Variants in VWA3B observed in about 807,000 individuals in gnomAD.
VWA3B encodes von Willebrand factor A domain containing 3B.
Under a neutral mutation model 158.3 loss-of-function variants are expected in VWA3B, and 138 were observed. The ratio of observed to expected loss-of-function variants is 0.87; its 90% CI spans 0.76 to 1.00. The LOEUF is 1.00. Ranked by LOEUF, VWA3B falls within the 50% of genes least tolerant of loss-of-function variation. The probability of loss-of-function intolerance (pLI) is 0.00; values close to 1 mark genes in which losing one functional copy is unlikely to be tolerated. For missense variants in VWA3B, 1,555 were observed against 1,565.1 expected (o/e 0.99, Z 0.11); for synonymous variants, 596 against 587.3 (o/e 1.01, Z -0.21).
chr2:98,108,994 C>CT (rs56760057), intron 2 of VWA3B, among the ~76,000 whole-genome samples: 32,271 of 132,468 alleles, frequency 0.24, 4,388 homozygotes, highest in African/African-American at 0.37. Flanking sequence ...CTTTTCTTTT[C>CT]TTTTTTTTTT....
At chr2:98,102,290 A>G (rs963940418) in intron 2 of VWA3B, among the ~76,000 whole-genome samples, 1 of 152,168 alleles carries the variant, frequency 6.6e-6, no homozygotes, top group African/African-American at 2.4e-5. Flanking sequence ...CAGACACAGT[A>G]ACAATCTGAT....
At chr2:98,176,477 C>A (rs1221621911) in intron 8 of VWA3B, among the ~76,000 whole-genome samples, 2 of 140,724 alleles carry the variant, frequency 1.4e-5, no homozygotes, top group Non-Finnish European at 3.1e-5. Context: ...TTCCTTCCTT[C>A]CCTTCTTCGG....
intron 23 of VWA3B, among the ~76,000 whole-genome samples, chr2:98,297,090 T>C (rs555888855): frequency 6.6e-6 from 1 of 151,996 alleles, no homozygotes; most frequent in East Asian, 1.9e-4. Flanking sequence ...TTTTCATTTT[T>C]TTTTTTTTGA....
intron 6 of VWA3B, among the ~76,000 whole-genome samples, chr2:98,130,431 G>T (rs1161358161): frequency 6.6e-6 from 1 of 152,118 alleles, no homozygotes; most frequent in Non-Finnish European, 1.5e-5. Context: ...GTGTTGGGCT[G>T]GGGGACAGTC....
chr2:98,203,745 G>A (rs566896782), intron 12 of VWA3B, among the ~76,000 whole-genome samples: 14 of 152,156 alleles, frequency 9.2e-5, no homozygotes, highest in Non-Finnish European at 1.8e-4. Context: ...GTGTAGAAAC[G>A]CAGTTGGTTT....
intron 2 of VWA3B, among the ~76,000 whole-genome samples, chr2:98,094,675 G>T (rs1682588612): frequency 1.3e-5 from 2 of 151,804 alleles, no homozygotes; most frequent in Non-Finnish European, 1.5e-5. Context: ...GTGCTTTTGA[G>T]GTCATATCCA....
chr2:98,174,988 CA>C (rs1474158144), intron 8 of VWA3B, among the ~76,000 whole-genome samples: 6 of 152,174 alleles, frequency 3.9e-5, no homozygotes. Flanking sequence ...GCAGATTTTA[CA>C]GAATTCAGGA....
At chr2:98,316,002 A>G (rs1291400987), downstream of VWA3B, among the ~76,000 whole-genome samples, 1 of 152,264 alleles carries the variant, frequency 6.6e-6, no homozygotes, top group Non-Finnish European at 1.5e-5. Context: ...CGTTCTATAC[A>G]GTGGCATCTA....
chr2:98,290,008 G>A (rs1173963409), intron 22 of VWA3B, among the ~76,000 whole-genome samples: 2 of 152,150 alleles, frequency 1.3e-5, no homozygotes, highest in African/African-American at 4.8e-5. Flanking sequence ...GGGATATTCT[G>A]TAATTCTTCT....
intron 21 of VWA3B, among the ~76,000 whole-genome samples, chr2:98,258,854 C>T (rs1687313018): frequency 6.6e-6 from 1 of 151,750 alleles, no homozygotes; most frequent in African/African-American, 2.4e-5. Context: ...CTAGCTAGTA[C>T]TTCCAGAACA....
chr2:98,196,666 G>T (rs1177672955), intron 12 of VWA3B, among the ~76,000 whole-genome samples: 2 of 152,054 alleles, frequency 1.3e-5, no homozygotes, highest in African/African-American at 4.8e-5. Flanking sequence ...TGTTTCCCCG[G>T]GCTCTCTCTG....
At chr2:98,093,342 T>C (rs1358364103) in intron 2 of VWA3B, 54 bp downstream of exon 2, 5 of 1,584,672 alleles carry the variant, frequency 3.2e-6, no homozygotes, top group Non-Finnish European at 4.3e-6. Context: ...GAGGTGGAGG[T>C]GGCTGCATCA....
At chr2:98,315,966 G>A (rs1381003683), downstream of VWA3B, among the ~76,000 whole-genome samples, 1 of 152,164 alleles carries the variant, frequency 6.6e-6, no homozygotes, top group African/African-American at 2.4e-5. Flanking sequence ...CTAAAATGCA[G>A]TTGATTCTCA....
chr2:98,289,573 C>T (rs1484060279), intron 22 of VWA3B, among the ~76,000 whole-genome samples: 1 of 152,200 alleles, frequency 6.6e-6, no homozygotes, highest in Non-Finnish European at 1.5e-5. Flanking sequence ...GCCAATTCAG[C>T]CCATGGACTT....
At chr2:98,305,572 C>G (rs1328597482) in intron 26 of VWA3B, among the ~76,000 whole-genome samples, 2 of 152,162 alleles carry the variant, frequency 1.3e-5, no homozygotes, top group Non-Finnish European at 2.9e-5. Context: ...TACAGAATCT[C>G]AAAAATTCAG....
intron 13 of VWA3B, 52 bp from the exon 14 acceptor site, chr2:98,217,792 CTT>C: frequency 6.8e-7 from 1 of 1,464,970 alleles, no homozygotes; most frequent in Non-Finnish European, 9.1e-7. Context: ...ATATTCTTTT[CTT>C]TCTCTTCTCT....
At chr2:98,202,884 C>A (rs762061192) in intron 12 of VWA3B, among the ~76,000 whole-genome samples, 1 of 152,004 alleles carries the variant, frequency 6.6e-6, no homozygotes, top group African/African-American at 2.4e-5. Flanking sequence ...CCAGGCTGGA[C>A]TGCAGTGGCA....
chr2:98,327,925 A>G, the VWA3B span, among the ~76,000 whole-genome samples: 1 of 152,170 alleles, frequency 6.6e-6, no homozygotes, highest in Admixed American at 6.5e-5. Context: ...GGGCCCTGAC[A>G]TTGTAAGCCC....
chr2:98,321,233 C>A, the VWA3B span, among the ~76,000 whole-genome samples: 2 of 152,226 alleles, frequency 1.3e-5, no homozygotes, highest in African/African-American at 2.4e-5. Context: ...CCTGGATGCC[C>A]AGGCAGAAGT....
Sources: allele counts gnomAD v4.1 joint callset (sites outside exome capture counted in the v4.1 genomes callset), GRCh38; gene constraint gnomAD v4.1.1; transcripts MANE v1.5; gene names NCBI Gene and HGNC (gene_info 2026-07-23, HGNC 2026-07-21).